The following FAM168B variants were observed in gnomAD, a reference collection of about 807,000 sequenced individuals.
FAM168B encodes family with sequence similarity 168 member B.
A neutral mutation model predicts 21.8 loss-of-function variants in FAM168B; 19 were observed. That is an observed-to-expected ratio of 0.87 (90% confidence interval 0.61 to 1.28). The LOEUF (loss-of-function observed/expected upper bound fraction) is 1.28, where lower values mean the gene tolerates loss of function less well. Ranked by LOEUF, FAM168B falls within the 50% of genes most tolerant of loss-of-function variation. The pLI is 0.00. For synonymous variants in FAM168B, 126 were observed against 104.8 expected, an observed-to-expected ratio of 1.20 and a Z score of -1.24; for missense variants, 233 against 263.1, an observed-to-expected ratio of 0.89 and a Z score of 0.79.
chr2:131,088,684 T>C (rs1014054599), intron 1 of FAM168B, among the ~76,000 whole-genome samples: 2 of 152,242 alleles, frequency 1.3e-5, no homozygotes, highest in African/African-American at 2.4e-5. Context: ...ATGATACATC[T>C]ATACTTTAAA....
chr2:131,079,207 G>C (rs937279288), intron 2 of FAM168B, among the ~76,000 whole-genome samples: 2 of 152,192 alleles, frequency 1.3e-5, no homozygotes, highest in Admixed American at 6.5e-5. Context: ...GCCGGGCACG[G>C]TGGCTCAGGC....
At chr2:131,060,212 G>C (rs2105478848) in intron 3 of FAM168B, among the ~76,000 whole-genome samples, 1 of 152,272 alleles carries the variant, frequency 6.6e-6, no homozygotes, top group Non-Finnish European at 1.5e-5. Context: ...TTTTAGTAGA[G>C]ATGGGGTTTC....
In FAM168B at chr2:131,052,088, A is replaced by G. The variant is rs1403951960; in HGVS notation, c.*377T>C. On this transcript the variant is annotated 3_prime_UTR_variant, in exon 7 of 7. Coordinates refer to ENST00000389915, the MANE Select transcript of FAM168B (RefSeq NM_001009993.4). ...GATACAAGTTGTAAAATACGTTTCC[A>G]TTCCTTTGGATTTTGCATATGATGG... 1.0e-6 allele frequency: 1 copy of G among 985,728 alleles called. No homozygotes were observed. The highest frequency in any genetic ancestry group is 1.7e-5 in the African/African-American group (1 of 57,260). The allele number at this position is 985,728 out of a possible 1,614,324, so 61.1% of individuals were successfully genotyped here.
intron 1 of FAM168B, among the ~76,000 whole-genome samples, chr2:131,092,071 G>C (rs1007418405): frequency 6.6e-6 from 1 of 151,708 alleles, no homozygotes; most frequent in Non-Finnish European, 1.5e-5. Context: ...GTGAATCCGG[G>C]AGGCGGAGCT....
chr2:131,071,723 A>T, intron 3 of FAM168B, 132 bp downstream of exon 3: 2 of 746,198 alleles, frequency 2.7e-6, no homozygotes, highest in South Asian at 3.3e-5. Flanking sequence ...GCACTTATCA[A>T]CAGGCTAACT....
intron 3 of FAM168B, 57 bp downstream of exon 3, chr2:131,071,798 C>T (rs1348657271): frequency 6.7e-7 from 1 of 1,491,368 alleles, no homozygotes; most frequent in African/African-American, 1.4e-5. Context: ...CAAAATCCAC[C>T]CCTTCACCTT....
At chr2:131,054,711 G>T (rs900012234) in intron 5 of FAM168B, among the ~76,000 whole-genome samples, 5 of 152,104 alleles carry the variant, frequency 3.3e-5, no homozygotes, top group African/African-American at 1.2e-4. Flanking sequence ...AAACCCCCAG[G>T]GCTTCCGCGG....
intron 3 of FAM168B, among the ~76,000 whole-genome samples, chr2:131,066,995 A>C (rs962936684): frequency 1.6e-4 from 25 of 152,194 alleles, no homozygotes; most frequent in African/African-American, 6.0e-4. Flanking sequence ...AAACGTGTGC[A>C]GGGGAACTGC....
At chr2:131,084,893 T>C (rs971626362) in intron 1 of FAM168B, among the ~76,000 whole-genome samples, 3 of 152,280 alleles carry the variant, frequency 2.0e-5, no homozygotes, top group African/African-American at 7.2e-5. Flanking sequence ...TGGCTCATTT[T>C]TAGTAGAGAC....
At chr2:131,082,835 G>A (rs574047584) in intron 1 of FAM168B, among the ~76,000 whole-genome samples, 178 bp from the exon 2 acceptor site, 20 of 152,260 alleles carry the variant, frequency 1.3e-4, no homozygotes, top group African/African-American at 4.6e-4. Flanking sequence ...CCTAATGGGT[G>A]CCAAACCAGG....
intron 3 of FAM168B, among the ~76,000 whole-genome samples, chr2:131,070,692 T>C (rs1203010375): frequency 6.6e-6 from 1 of 152,228 alleles, no homozygotes; most frequent in Non-Finnish European, 1.5e-5. Flanking sequence ...AACTGAAGTA[T>C]TTATTTCCAT....
intron 3 of FAM168B, among the ~76,000 whole-genome samples, chr2:131,065,645 C>G (rs1318096557): frequency 6.6e-6 from 1 of 151,862 alleles, no homozygotes; most frequent in Non-Finnish European, 1.5e-5. Context: ...CAAAAATTAG[C>G]CGGCGTGGTG....
chr2:131,053,141 C>G (rs1006660150), intron 5 of FAM168B, 126 bp from the exon 6 acceptor site: 1 of 1,304,912 alleles, frequency 7.7e-7, no homozygotes, highest in East Asian at 3.0e-5. Context: ...AGTCTTGACC[C>G]AGATACTGTC....
intron 3 of FAM168B, among the ~76,000 whole-genome samples, chr2:131,060,588 T>G (rs908388008): frequency 6.6e-6 from 1 of 152,130 alleles, no homozygotes; most frequent in African/African-American, 2.4e-5. Flanking sequence ...ACTGGGCAAA[T>G]GTAAATAGGA....
Position 131,048,254 on chromosome 2 carries a change from C to G in FAM168B, c.*4211G>C, listed in dbSNP as rs1691411255. 1 of 1,304,122 alleles carries G rather than the reference C, an allele frequency of 7.7e-7. No individual in the cohort carries two copies. The highest frequency in any genetic ancestry group is 1.0e-6 in the Non-Finnish European group (1 of 988,910). The allele number at this position is 1,304,122 out of a possible 1,614,324, so 80.8% of individuals were successfully genotyped here. A position where few individuals can be genotyped will look rare whatever the true frequency, so the allele number is the denominator to read the frequency against. On this transcript the variant is annotated 3_prime_UTR_variant, in exon 7 of 7. Coordinates refer to ENST00000389915, the MANE Select transcript of FAM168B (RefSeq NM_001009993.4). ...CTAGGGCCTCTCCGTGTGGCCAGCA[C>G]AGCAACCCTGCTAGGAGCACAAACG... is the stretch of plus-strand genomic sequence containing the variant.
chr2:131,050,317 A>AT lies in FAM168B; in HGVS notation c.*2147dup. 1 of 985,474 alleles carries AT rather than the reference A, an allele frequency of 1.0e-6. No individual in the cohort carries two copies. The highest frequency in any genetic ancestry group is 1.2e-6 in the Non-Finnish European group (1 of 829,928). The allele number at this position is 985,474 out of a possible 1,614,324, so 61.0% of individuals were successfully genotyped here. A position where few individuals can be genotyped will look rare whatever the true frequency, so the allele number is the denominator to read the frequency against. On this transcript the variant is annotated 3_prime_UTR_variant, in exon 7 of 7. Transcript: ENST00000389915. ...AAAAGCATACACTAACATTGTGAGTATTTTATCCTAATCTATTAGCACTCA... is the reference window on the plus strand; with the variant it reads ...AAAAGCATACACTAACATTGTGAGTATTTTTATCCTAATCTATTAGCACTCA...
rs1692249583 is a variant in FAM168B, at chr2:131,060,756, T to A, written c.155-5061A>T. On this transcript the variant is annotated intron_variant, in intron 3 of 6. Transcript: ENST00000389915. Reference sequence around the variant, plus strand: ...TAAAAGAAAAACCACACAACACTCATCCTTACATAAGGTAAATATGGGGAA... The same window carrying A: ...TAAAAGAAAAACCACACAACACTCAACCTTACATAAGGTAAATATGGGGAA... 2.0e-5 allele frequency among the ~76,000 whole-genome samples: 3 copies of A among 152,246 alleles called. No homozygotes were observed. In the South Asian group the frequency reaches 6.2e-4, roughly 32 times the overall value.
chr2:131,071,646 G>T (rs1692876354), intron 3 of FAM168B, among the ~76,000 whole-genome samples: 1 of 152,124 alleles, frequency 6.6e-6, no homozygotes, highest in Non-Finnish European at 1.5e-5. Flanking sequence ...TTACAGATTT[G>T]CCTTGTGGGA....
intron 2 of FAM168B, among the ~76,000 whole-genome samples, chr2:131,079,990 G>T (rs183507797): frequency 6.0e-5 from 9 of 151,062 alleles, no homozygotes; most frequent in Non-Finnish European, 1.0e-4. Flanking sequence ...GGTGGCAGGC[G>T]CCTGTAATCC....
Sources: allele counts gnomAD v4.1 joint callset (sites outside exome capture counted in the v4.1 genomes callset), GRCh38; gene constraint gnomAD v4.1.1; transcripts MANE v1.5; gene names NCBI Gene and HGNC (gene_info 2026-07-23, HGNC 2026-07-21).